ROBO2: variants seen among roughly 807,000 people sequenced by gnomAD.
ROBO2 encodes roundabout guidance receptor 2.
Under a neutral mutation model 160.8 loss-of-function variants are expected in ROBO2, and 53 were observed. That is an observed-to-expected ratio of 0.33 (90% confidence interval 0.26 to 0.41). ROBO2 has a LOEUF of 0.41. ROBO2 is among the 10% of genes least tolerant of loss of function. The pLI is 1.00. For synonymous variants in ROBO2, 664 were observed against 611.7 expected, an observed-to-expected ratio of 1.09 and a Z score of -1.26; for missense variants, 1,577 against 1,722.4, an observed-to-expected ratio of 0.92 and a Z score of 1.49.
rs529383700 is a variant in ROBO2, at chr3:76,950,863, A to G, written c.110-147151A>G. On this transcript the variant is annotated intron_variant, in intron 2 of 26. Transcript: ENST00000487694. The stretch of plus-strand genomic sequence containing the variant: ...TACCTCAGTCTCCTGAGTAGCTGGG[A>G]CTACAGGTGCACACCACCACACCGG... Among the ~76,000 whole-genome samples, 5 of 152,242 alleles carry G rather than the reference A, an allele frequency of 3.3e-5. No homozygotes were observed. The East Asian group carries it at 9.7e-4, about 29-fold the overall frequency.
At chr3:77,511,349 A>G (rs1201552261) in intron 5 of ROBO2, among the ~76,000 whole-genome samples, 1 of 151,946 alleles carries the variant, frequency 6.6e-6, no homozygotes, top group Non-Finnish European at 1.5e-5. Context: ...TGTCTGAAAG[A>G]GCCCAGCTGA....
At chr3:77,441,779 G>A (rs1043591454) in intron 2 of ROBO2, among the ~76,000 whole-genome samples, 1 of 152,066 alleles carries the variant, frequency 6.6e-6, no homozygotes, top group African/African-American at 2.4e-5. Flanking sequence ...ATTCCATTTT[G>A]GTGAATTAGC....
intron 2 of ROBO2, among the ~76,000 whole-genome samples, chr3:77,361,164 C>A (rs1354753637): frequency 3.3e-5 from 5 of 152,080 alleles, no homozygotes; most frequent in African/African-American, 7.2e-5. Flanking sequence ...AGATTAAATG[C>A]AGTTTGCCCA....
At chr3:76,929,842 G>A (rs146113651) in intron 2 of ROBO2, among the ~76,000 whole-genome samples, 1 of 152,266 alleles carries the variant, frequency 6.6e-6, no homozygotes, top group East Asian at 1.9e-4. Flanking sequence ...GGGAAAAAGA[G>A]ACTCCAGTGT....
chr3:76,839,620 A>C (rs538712217), intron 2 of ROBO2, among the ~76,000 whole-genome samples: 1 of 152,270 alleles, frequency 6.6e-6, no homozygotes, highest in East Asian at 1.9e-4. Flanking sequence ...ATTGGCCTGC[A>C]GTTTTCTTTT....
At chr3:76,854,119 T>C (rs1428522977) in intron 2 of ROBO2, among the ~76,000 whole-genome samples, 1 of 151,342 alleles carries the variant, frequency 6.6e-6, no homozygotes. Flanking sequence ...ATGTTATACC[T>C]AAAATTTTGT....
chr3:77,172,843 C>G (rs1440338400), intron 2 of ROBO2, among the ~76,000 whole-genome samples: 1 of 152,150 alleles, frequency 6.6e-6, no homozygotes, highest in Non-Finnish European at 1.5e-5. Flanking sequence ...TCTCAGAAAC[C>G]CAAGGCAGGG....
intron 2 of ROBO2, among the ~76,000 whole-genome samples, chr3:76,227,173 C>T (rs1166482342): frequency 6.6e-6 from 1 of 152,174 alleles, no homozygotes; most frequent in Non-Finnish European, 1.5e-5. Flanking sequence ...TTGGTGAATG[C>T]TAAATGAATC....
intron 2 of ROBO2, among the ~76,000 whole-genome samples, chr3:76,199,857 T>G (rs1047964093): frequency 2.6e-5 from 4 of 152,132 alleles, no homozygotes; most frequent in Non-Finnish European, 4.4e-5. Context: ...ACCTTCCATT[T>G]TTTCTACTAT....
chr3:76,323,138 TACACACACAC>T (rs71874425), intron 2 of ROBO2, among the ~76,000 whole-genome samples: 48 of 143,952 alleles, frequency 3.3e-4, no homozygotes, highest in South Asian at 1.8e-3. Flanking sequence ...TTGTTAGTAT[TACACACACAC>T]ACACACACAC....
chr3:76,204,953 A>T (rs1169036043), intron 2 of ROBO2, among the ~76,000 whole-genome samples: 1 of 152,204 alleles, frequency 6.6e-6, no homozygotes, highest in Non-Finnish European at 1.5e-5. Flanking sequence ...AAATTCATAG[A>T]GTCAGTGAAT....
At chr3:76,053,441 A>G (rs1301877911) in intron 2 of ROBO2, among the ~76,000 whole-genome samples, 2 of 152,010 alleles carry the variant, frequency 1.3e-5, no homozygotes, top group East Asian at 3.8e-4. Flanking sequence ...ACAATGTTCT[A>G]TTCTTTAAAG....
At chr3:76,241,702 G>A (rs1050324944) in intron 2 of ROBO2, among the ~76,000 whole-genome samples, 3 of 152,038 alleles carry the variant, frequency 2.0e-5, no homozygotes, top group South Asian at 2.1e-4. Flanking sequence ...GCTCATTTTC[G>A]GATTGTTGCT....
intron 2 of ROBO2, among the ~76,000 whole-genome samples, chr3:76,573,707 C>T (rs1186329395): frequency 1.3e-5 from 2 of 151,904 alleles, no homozygotes; most frequent in Admixed American, 6.6e-5. Context: ...TTGATGAGGG[C>T]TCATCATATC....
intron 2 of ROBO2, among the ~76,000 whole-genome samples, chr3:77,127,641 A>G (rs1269398734): frequency 6.6e-6 from 1 of 152,200 alleles, no homozygotes; most frequent in Non-Finnish European, 1.5e-5. Flanking sequence ...TAGTAAACTT[A>G]AAAAAGGTGT....
intron 2 of ROBO2, among the ~76,000 whole-genome samples, chr3:75,956,788 C>G (rs966583145): frequency 2.0e-5 from 3 of 151,788 alleles, no homozygotes; most frequent in Non-Finnish European, 4.4e-5. Flanking sequence ...TTAATATTCA[C>G]TACTAGAATG....
At chr3:77,556,120 T>G (rs749189694) in intron 8 of ROBO2, among the ~76,000 whole-genome samples, 1 of 151,916 alleles carries the variant, frequency 6.6e-6, no homozygotes, top group Non-Finnish European at 1.5e-5. Flanking sequence ...TTTACTCTGG[T>G]AACACAGACT....
intron 2 of ROBO2, among the ~76,000 whole-genome samples, chr3:77,104,025 C>T (rs74697184): frequency 0.017 from 2,593 of 152,090 alleles, 31 homozygotes; most frequent in Middle Eastern, 0.037. Context: ...AAAGATCAAT[C>T]CATAGAGAGC....
chr3:76,870,542 A>G (rs1292528980), intron 2 of ROBO2, among the ~76,000 whole-genome samples: 1 of 152,230 alleles, frequency 6.6e-6, no homozygotes, highest in Admixed American at 6.5e-5. Flanking sequence ...GATCCAGAGG[A>G]TCTCTCTGCT....
Sources: allele counts gnomAD v4.1 joint callset (sites outside exome capture counted in the v4.1 genomes callset), GRCh38; gene constraint gnomAD v4.1.1; transcripts MANE v1.5; gene names NCBI Gene and HGNC (gene_info 2026-07-23, HGNC 2026-07-21).